The following TSPAN11 variants were observed in gnomAD, a reference collection of about 807,000 sequenced individuals.
The protein encoded by TSPAN11 is tetraspanin 11.
In TSPAN11, 29 loss-of-function variants were observed where a neutral mutation model predicts 32.9. That is an observed-to-expected ratio of 0.88 (90% CI 0.66 to 1.20). The LOEUF is 1.20. TSPAN11 is among the 50% of genes most tolerant of loss of function. The pLI is 0.00. For missense variants in TSPAN11, 283 were observed against 329.1 expected (o/e 0.86, Z 1.08); for synonymous variants, 140 against 141.3 (o/e 0.99, Z 0.07).
intron 1 of TSPAN11, among the ~76,000 whole-genome samples, chr12:30,949,970 A>G (rs1261760273): frequency 6.6e-6 from 1 of 151,580 alleles, no homozygotes; most frequent in Non-Finnish European, 1.5e-5. Flanking sequence ...TTCTTCCTCC[A>G]GTGGCTCTCT....
At chr12:30,929,724 C>T (rs932422437) in intron 1 of TSPAN11, among the ~76,000 whole-genome samples, 2 of 152,164 alleles carry the variant, frequency 1.3e-5, no homozygotes, top group African/African-American at 4.8e-5. Flanking sequence ...ACGACAGCCA[C>T]GTGATGAAAC....
rs147207533 is a variant in TSPAN11 at position 30,936,843 on chromosome 12, G to A, written c.-12+10047G>A. Among the ~76,000 whole-genome samples, 14 of 152,278 alleles carry A rather than the reference G, an allele frequency of 9.2e-5. No individual in the cohort carries two copies. The East Asian group carries it at 2.5e-3, about 27-fold the overall frequency. Reference sequence around the variant, plus strand: ...GTGGATGGAGTTGGGCATAAATGGGGGTAGCAAAGAGGAGACAAGAGGCAA... The same window carrying A: ...GTGGATGGAGTTGGGCATAAATGGGAGTAGCAAAGAGGAGACAAGAGGCAA... On this transcript the variant is annotated intron_variant, in intron 1 of 7. Coordinates refer to ENST00000546076, the MANE Select transcript of TSPAN11 (RefSeq NM_001370302.1).
downstream of TSPAN11, among the ~76,000 whole-genome samples, chr12:31,001,464 C>T (rs977219498): frequency 3.3e-5 from 5 of 152,218 alleles, no homozygotes; most frequent in African/African-American, 9.6e-5. Context: ...CATGTTCACT[C>T]TTCTGGGGCC....
At chr12:30,979,874 CT>C (rs1939053545) in intron 5 of TSPAN11, among the ~76,000 whole-genome samples, 1 of 152,250 alleles carries the variant, frequency 6.6e-6, no homozygotes, top group African/African-American at 2.4e-5. Context: ...TGAAAACTAC[CT>C]GTTGAAGCCT....
intron 3 of TSPAN11, among the ~76,000 whole-genome samples, chr12:30,974,067 C>A (rs984405872): frequency 6.6e-6 from 1 of 152,262 alleles, no homozygotes. Flanking sequence ...CCTGATCCTT[C>A]CTTTTGTCAA....
At chr12:30,940,408 T>C (rs1938136431) in intron 1 of TSPAN11, among the ~76,000 whole-genome samples, 1 of 152,134 alleles carries the variant, frequency 6.6e-6, no homozygotes, top group South Asian at 2.1e-4. Flanking sequence ...TCAGATAATA[T>C]AGCTAAGGGG....
At chr12:31,004,128 T>C in the TSPAN11 span, among the ~76,000 whole-genome samples, 4 of 152,178 alleles carry the variant, frequency 2.6e-5, no homozygotes, top group Admixed American at 2.0e-4. Flanking sequence ...GCCAGCGACA[T>C]GCACTGGATC....
chr12:30,939,984 A>G (rs1040771490), intron 1 of TSPAN11, among the ~76,000 whole-genome samples: 2 of 152,236 alleles, frequency 1.3e-5, no homozygotes, highest in Non-Finnish European at 2.9e-5. Flanking sequence ...ACGAGAGAAA[A>G]GAGAAGACAT....
At position 30,972,665 on chromosome 12, in the gene TSPAN11, G is replaced by A. The variant is rs538917198; in HGVS notation, c.277-5896G>A. Among the ~76,000 whole-genome samples, 268 of 152,264 alleles carry A rather than the reference G, an allele frequency of 1.8e-3. 1 individual carries two copies. Among genetic ancestry groups the A allele is most frequent in the Non-Finnish European group, 2.9e-3 (198 of 68,004 alleles). On this transcript the variant is annotated intron_variant, in intron 3 of 7. Transcript: ENST00000546076. Reference sequence around the variant, plus strand: ...GTAAGAGCAGGCTGGGTTGAATAAAGTGAAGGGCAGAGGGGGCAGAAACAG... The same window carrying A: ...GTAAGAGCAGGCTGGGTTGAATAAAATGAAGGGCAGAGGGGGCAGAAACAG...
intron 1 of TSPAN11, among the ~76,000 whole-genome samples, chr12:30,929,419 T>C (rs1164277017): frequency 6.6e-6 from 1 of 152,174 alleles, no homozygotes; most frequent in African/African-American, 2.4e-5. Context: ...AATATGGAAA[T>C]GATTTTGCTT....
chr12:30,973,707 C>T (rs1168330376), intron 3 of TSPAN11, among the ~76,000 whole-genome samples: 1 of 152,176 alleles, frequency 6.6e-6, no homozygotes, highest in Non-Finnish European at 1.5e-5. Flanking sequence ...AAAAGCAGGA[C>T]ACCATGAGGT....
chr12:30,972,953 C>T (rs1160969693), intron 3 of TSPAN11, among the ~76,000 whole-genome samples: 1 of 152,026 alleles, frequency 6.6e-6, no homozygotes, highest in Non-Finnish European at 1.5e-5. Context: ...TTCTCTCCAT[C>T]TTCACCTACT....
intron 2 of TSPAN11, among the ~76,000 whole-genome samples, chr12:30,960,916 G>A (rs998077221): frequency 6.6e-6 from 1 of 151,598 alleles, no homozygotes; most frequent in Non-Finnish European, 1.5e-5. Flanking sequence ...GTGCACACCT[G>A]TAATCCCAGC....
intron 1 of TSPAN11, among the ~76,000 whole-genome samples, chr12:30,939,040 C>T (rs1250298434): frequency 6.6e-6 from 1 of 152,000 alleles, no homozygotes; most frequent in Non-Finnish European, 1.5e-5. Flanking sequence ...CGAGACCAGC[C>T]TGGCCAACAT....
At chr12:30,971,347 C>A (rs181885728) in intron 3 of TSPAN11, among the ~76,000 whole-genome samples, 35 of 152,330 alleles carry the variant, frequency 2.3e-4, no homozygotes, top group African/African-American at 7.9e-4. Flanking sequence ...AAAGATGGCA[C>A]CAGCTGATGC....
intron 1 of TSPAN11, among the ~76,000 whole-genome samples, chr12:30,930,984 A>C (rs1257053581): frequency 6.6e-6 from 1 of 152,214 alleles, no homozygotes; most frequent in Non-Finnish European, 1.5e-5. Flanking sequence ...TTTTTGCTGT[A>C]AAATACCAAG....
chr12:30,935,425 C>T (rs1938025454), intron 1 of TSPAN11, among the ~76,000 whole-genome samples: 1 of 148,214 alleles, frequency 6.7e-6, no homozygotes, highest in Non-Finnish European at 1.5e-5. Flanking sequence ...CTCTTGTCGC[C>T]CAGGCTGGAG....
At chr12:30,958,811 C>A (rs1337978342) in intron 2 of TSPAN11, among the ~76,000 whole-genome samples, 1 of 152,094 alleles carries the variant, frequency 6.6e-6, no homozygotes, top group Non-Finnish European at 1.5e-5. Flanking sequence ...AGGCATGGGT[C>A]CCTTGATGGC....
At chr12:31,015,061 C>A in the TSPAN11 span, among the ~76,000 whole-genome samples, 1 of 152,160 alleles carries the variant, frequency 6.6e-6, no homozygotes, top group African/African-American at 2.4e-5. The surrounding 1 kb of genome is among the most constrained non-coding windows in gnomAD (Gnocchi z 4.9). Context: ...ATTTTGTTAC[C>A]TTTTAATGCA....
Sources: gnomAD v4.1 joint callset for allele counts (sites outside exome capture counted in the v4.1 genomes callset) on GRCh38, gnomAD v4.1.1 for gene constraint, Gnocchi (gnomAD v3.1) non-coding constraint, MANE v1.5 for transcripts, NCBI Gene and HGNC (gene_info 2026-07-23, HGNC 2026-07-21) for gene names.